Variants in TMEM39B observed in about 807,000 individuals in gnomAD.
TMEM39B encodes the protein transmembrane protein 39B.
A neutral mutation model predicts 52.2 loss-of-function variants in TMEM39B; 23 were observed. The ratio of observed to expected loss-of-function variants is 0.44; its 90% CI spans 0.32 to 0.62. The LOEUF (loss-of-function observed/expected upper bound fraction) is 0.62, where lower values mean the gene tolerates loss of function less well. TMEM39B is among the 20% of genes least tolerant of loss of function. The probability of loss-of-function intolerance (pLI) is 0.06; values close to 1 mark genes in which losing one functional copy is unlikely to be tolerated. For synonymous variants in TMEM39B, 285 were observed against 264.0 expected, an observed-to-expected ratio of 1.08 and a Z score of -0.77; for missense variants, 547 against 642.0, an observed-to-expected ratio of 0.85 and a Z score of 1.60.
intron 1 of TMEM39B, among the ~76,000 whole-genome samples, chr1:32,074,658 C>T (rs543370233): frequency 5.5e-4 from 84 of 151,986 alleles, no homozygotes; most frequent in Admixed American, 9.2e-4. Flanking sequence ...AATGGCAGTC[C>T]GGGAAAGGCT....
chr1:32,080,621 C>T (rs187794707), intron 5 of TMEM39B, among the ~76,000 whole-genome samples: 2 of 148,398 alleles, frequency 1.3e-5, no homozygotes, highest in East Asian at 2.0e-4. Context: ...GAGCCAAGAT[C>T]GCACCACTGC....
chr1:32,076,592 C>A, intron 3 of TMEM39B, 171 bp from the exon 4 acceptor site: 1 of 723,698 alleles, frequency 1.4e-6, no homozygotes, highest in Non-Finnish European at 2.5e-6. Flanking sequence ...TCTCGGGGTC[C>A]TGTCCTACTC....
chr1:32,085,358 GC>G (rs756724783), intron 5 of TMEM39B, among the ~76,000 whole-genome samples: 1 of 151,658 alleles, frequency 6.6e-6, no homozygotes, highest in Non-Finnish European at 1.5e-5. Context: ...TTATCTTCTA[GC>G]TTTTTTACTG....
At position 32,077,159 on chromosome 1, in the gene TMEM39B, C is replaced by G. The variant is rs764359527; in HGVS notation, c.436-5C>G. 6.2e-7 allele frequency: 1 copy of G among 1,613,968 alleles called. No homozygotes were observed. On this transcript the variant is annotated splice_polypyrimidine_tract_variant and splice_region_variant and intron_variant, in intron 4 of 8. Coordinates refer to ENST00000336294, the MANE Select transcript of TMEM39B (RefSeq NM_018056.4). ...CCCATCCCGTCCTATCTTGCCCCGACCCAGGCCTCTCAGAGGGGGAAGGTC... is the reference window on the plus strand; with the variant it reads ...CCCATCCCGTCCTATCTTGCCCCGAGCCAGGCCTCTCAGAGGGGGAAGGTC...
intron 5 of TMEM39B, among the ~76,000 whole-genome samples, chr1:32,083,083 T>G (rs1327569086): frequency 6.9e-6 from 1 of 144,338 alleles, no homozygotes; most frequent in African/African-American, 2.6e-5. Context: ...CTGGTTTTTT[T>G]TTTTTTTTTT....
chr1:32,078,993 A>T (rs1441773709), intron 5 of TMEM39B, among the ~76,000 whole-genome samples: 1 of 152,026 alleles, frequency 6.6e-6, no homozygotes, highest in Non-Finnish European at 1.5e-5. Flanking sequence ...ATGATGTACA[A>T]TTTACCACAC....
At position 32,094,911 on chromosome 1, in the gene TMEM39B, C is replaced by CCCAT. The variant is rs1640756938; in HGVS notation, c.1057_1060dup (p.Leu354ProfsTer23). 6.2e-7 allele frequency: 1 copy of CCCAT among 1,613,874 alleles called. No individual in the cohort carries two copies. The highest frequency in any genetic ancestry group is 8.5e-7 in the Non-Finnish European group (1 of 1,180,058). On this transcript the variant is annotated frameshift_variant, in exon 7 of 9. Coordinates refer to ENST00000336294, the MANE Select transcript of TMEM39B (RefSeq NM_018056.4). LOFTEE classifies it high-confidence loss of function. Reference sequence around the variant, plus strand: ...TGTGACCTGCTGCACAAGGCCGCCGCCCATCTGGGCTGTTGGCAGAAGGTG... The same window carrying CCCAT: ...TGTGACCTGCTGCACAAGGCCGCCGCCCATCCATCTGGGCTGTTGGCAGAAGGTG...
intron 1 of TMEM39B, chr1:32,073,523 T>C: frequency 1.0e-6 from 1 of 997,934 alleles, no homozygotes; most frequent in South Asian, 4.3e-5. Flanking sequence ...GCGGGGTTTC[T>C]GGGCTGACAG....
intron 7 of TMEM39B, among the ~76,000 whole-genome samples, chr1:32,099,417 G>A (rs1640935896): frequency 6.6e-6 from 1 of 152,112 alleles, no homozygotes; most frequent in Non-Finnish European, 1.5e-5. Context: ...GTATACATAT[G>A]TAACAAACCT....
intron 6 of TMEM39B, among the ~76,000 whole-genome samples, chr1:32,092,296 G>T (rs1259716189): frequency 6.6e-6 from 1 of 151,952 alleles, no homozygotes; most frequent in East Asian, 1.9e-4. Flanking sequence ...AGCTGTGACT[G>T]CAGGCATGAG....
chr1:32,077,977 T>G (rs932299513), intron 5 of TMEM39B, among the ~76,000 whole-genome samples: 3 of 152,140 alleles, frequency 2.0e-5, no homozygotes, highest in Non-Finnish European at 4.4e-5. Flanking sequence ...TGGATCTGGC[T>G]GCTTCTGGGG....
At chr1:32,077,044 C>A in intron 4 of TMEM39B, 120 bp from the exon 5 acceptor site, 1 of 1,441,508 alleles carries the variant, frequency 6.9e-7, no homozygotes, top group Non-Finnish European at 9.5e-7. Context: ...CCAGGTTCTG[C>A]CCAGCCTGCT....
At position 32,077,177 on chromosome 1, in the gene TMEM39B, G is replaced by T; in HGVS notation, c.449G>T (p.Gly150Val). The stretch of plus-strand genomic sequence containing the variant: ...GCCCCGACCCAGGCCTCTCAGAGGG[G>T]GAAGGTCTCCCTCTTTCGCTCCATC... ...GSIVKEASQR[G>V]KVSLFRSILL... Residue 150 changes from glycine (G) to valine (V), a missense_variant, in exon 5 of 9, where the codon GGG becomes GTG. Gly to Val is a moderately radical substitution (Grantham distance 109). Transcript: ENST00000336294. The T allele has an allele frequency of 6.2e-7, 1 of 1,614,112 alleles. No homozygotes were observed. Among genetic ancestry groups the T allele is most frequent in the Non-Finnish European group, 8.5e-7 (1 of 1,180,028 alleles).
Position 32,084,723 on chromosome 1 carries a change from A to G in TMEM39B, c.591-6952A>G, listed in dbSNP as rs563904450. On this transcript the variant is annotated intron_variant, in intron 5 of 8. Coordinates refer to ENST00000336294, the MANE Select transcript of TMEM39B (RefSeq NM_018056.4). Reference sequence around the variant, plus strand: ...TAGCTGGGATTACAGGCACGCCACCATGCCCAGCTAATTTTTGTATTTTTA... The same window carrying G: ...TAGCTGGGATTACAGGCACGCCACCGTGCCCAGCTAATTTTTGTATTTTTA... 2.2e-3 allele frequency among the ~76,000 whole-genome samples: 336 copies of G among 152,140 alleles called. 4 individuals are homozygous for G. Among genetic ancestry groups the G allele is most frequent in the African/African-American group, 7.7e-3 (318 of 41,520 alleles).
At chr1:32,086,969 A>C (rs1047826912) in intron 5 of TMEM39B, 7 of 152,314 alleles carry the variant, frequency 4.6e-5, no homozygotes, top group African/African-American at 1.7e-4. Context: ...GCTACTCGAG[A>C]GGTCAGAGGA....
intron 6 of TMEM39B, among the ~76,000 whole-genome samples, chr1:32,093,541 G>A (rs1640691642): frequency 6.9e-6 from 1 of 145,714 alleles, no homozygotes; most frequent in Non-Finnish European, 1.5e-5. Context: ...CCTCCTGAAT[G>A]TCTGGGACTA....
rs796499631 is a variant in TMEM39B, at chr1:32,094,117, C to CTTT, written c.928-642_928-640dup. On this transcript the variant is annotated intron_variant, in intron 6 of 8. Coordinates refer to ENST00000336294, the MANE Select transcript of TMEM39B (RefSeq NM_018056.4). ...ACAGGTGTGAGCCACTGCGCCTGGC[C>CTTT]TTTTTTTTTTTTTTTTTTTTTTTTT... 7.2e-3 allele frequency among the ~76,000 whole-genome samples: 216 copies of CTTT among 29,804 alleles called. 30 individuals carry two copies. The highest frequency in any genetic ancestry group is 0.014 in the East Asian group (8 of 562). The allele number at this position is 29,804 out of a possible 152,430, so 19.6% of individuals were successfully genotyped here.
At chr1:32,079,393 C>T (rs1639999683) in intron 5 of TMEM39B, among the ~76,000 whole-genome samples, 1 of 151,810 alleles carries the variant, frequency 6.6e-6, no homozygotes, top group South Asian at 2.1e-4. Flanking sequence ...ACCGTGTTAG[C>T]CAGGATGGTC....
upstream of TMEM39B, chr1:32,072,889 T>A: frequency 1.0e-6 from 1 of 1,003,354 alleles, no homozygotes; most frequent in Non-Finnish European, 1.4e-6. Flanking sequence ...CGCGCCAGCT[T>A]CCAGCCCGCC....
Sources: gnomAD v4.1 joint callset for allele counts (sites outside exome capture counted in the v4.1 genomes callset) on GRCh38, gnomAD v4.1.1 for gene constraint, MANE v1.5 for transcripts, NCBI Gene and HGNC (gene_info 2026-07-23, HGNC 2026-07-21) for gene names.